CHSY3: variants seen among roughly 807,000 people sequenced by gnomAD.
The protein encoded by CHSY3 is N-acetylgalactosaminyl-proteoglycan 3-beta-glucuronosyltransferase 3.
In CHSY3, 35 loss-of-function variants were observed where a neutral mutation model predicts 67.2. The ratio of observed to expected loss-of-function variants is 0.52; its 90% confidence interval spans 0.40 to 0.69. The LOEUF (loss-of-function observed/expected upper bound fraction) is 0.69, where lower values mean the gene tolerates loss of function less well. CHSY3 is among the 30% of genes least tolerant of loss of function. CHSY3 has a pLI of 0.00. For synonymous variants in CHSY3, 474 were observed against 434.7 expected (o/e 1.09, Z -1.12); for missense variants, 1,069 against 1,138.5 (o/e 0.94, Z 0.88).
intron 2 of CHSY3, among the ~76,000 whole-genome samples, chr5:129,972,555 C>T (rs1762673091): frequency 6.6e-6 from 1 of 151,724 alleles, no homozygotes; most frequent in Non-Finnish European, 1.5e-5. Context: ...TTTAGGGACT[C>T]TCCAAGAAAT....
chr5:129,982,845 TAGAA>T (rs1414079392), intron 2 of CHSY3, among the ~76,000 whole-genome samples: 1 of 152,114 alleles, frequency 6.6e-6, no homozygotes, highest in Non-Finnish European at 1.5e-5. Flanking sequence ...TTTTATCTAA[TAGAA>T]AGGGAGAGTG....
chr5:130,099,550 G>T (rs535171076), intron 2 of CHSY3, among the ~76,000 whole-genome samples: 1 of 152,290 alleles, frequency 6.6e-6, no homozygotes, highest in East Asian at 1.9e-4. Context: ...ACGCGAATGT[G>T]TGAGAATGAT....
At chr5:129,934,846 C>G (rs1359677472) in intron 2 of CHSY3, among the ~76,000 whole-genome samples, 1 of 152,146 alleles carries the variant, frequency 6.6e-6, no homozygotes, top group African/African-American at 2.4e-5. Flanking sequence ...GCGTAGGTCT[C>G]ACTGAGAGGG....
intron 2 of CHSY3, among the ~76,000 whole-genome samples, chr5:130,145,752 G>A (rs1006253859): frequency 1.3e-5 from 2 of 151,548 alleles, no homozygotes; most frequent in African/African-American, 4.9e-5. Context: ...CAACTCAACA[G>A]CAAAAAAACT....
At chr5:130,075,327 A>G (rs1486635802) in intron 2 of CHSY3, among the ~76,000 whole-genome samples, 3 of 152,190 alleles carry the variant, frequency 2.0e-5, no homozygotes, top group African/African-American at 7.2e-5. Flanking sequence ...ATATAGTGAT[A>G]ATACAATAAA....
At chr5:130,071,153 A>G (rs923154857) in intron 2 of CHSY3, among the ~76,000 whole-genome samples, 10 of 152,216 alleles carry the variant, frequency 6.6e-5, no homozygotes, top group African/African-American at 2.2e-4. Flanking sequence ...CACTCTCTCT[A>G]TAATAAGGCT....
chr5:129,928,569 G>GT (rs1282348646), intron 2 of CHSY3, among the ~76,000 whole-genome samples: 6 of 151,978 alleles, frequency 3.9e-5, no homozygotes, highest in Non-Finnish European at 7.4e-5. Context: ...ATAAAAACCA[G>GT]TATAGATACC....
At chr5:130,063,293 A>G (rs1765770757) in intron 2 of CHSY3, among the ~76,000 whole-genome samples, 2 of 152,086 alleles carry the variant, frequency 1.3e-5, no homozygotes, top group Admixed American at 1.3e-4. Context: ...ATAAACAAAT[A>G]AGCCTTTTGT....
intron 2 of CHSY3, among the ~76,000 whole-genome samples, chr5:129,933,907 T>G (rs1450986449): frequency 1.3e-5 from 2 of 152,170 alleles, no homozygotes; most frequent in Non-Finnish European, 2.9e-5. Context: ...CACCAGCTGT[T>G]AACACTTTTT....
At chr5:129,936,577 A>G (rs1761500211) in intron 2 of CHSY3, among the ~76,000 whole-genome samples, 1 of 152,146 alleles carries the variant, frequency 6.6e-6, no homozygotes, top group South Asian at 2.1e-4. Flanking sequence ...CCATGTCACC[A>G]GCTTGCTGGG....
intron 2 of CHSY3, among the ~76,000 whole-genome samples, chr5:130,051,222 T>A (rs1765344743): frequency 6.6e-6 from 1 of 152,094 alleles, no homozygotes; most frequent in Admixed American, 6.6e-5. Flanking sequence ...CATATTATGT[T>A]GTGTGCAATT....
At chr5:129,957,941 AACTT>A (rs1287380874) in intron 2 of CHSY3, among the ~76,000 whole-genome samples, 1 of 151,910 alleles carries the variant, frequency 6.6e-6, no homozygotes, top group Non-Finnish European at 1.5e-5. Flanking sequence ...CCATATCTGT[AACTT>A]ACTATGTTGA....
At position 129,985,633 on chromosome 5, in the gene CHSY3, C is replaced by T. The variant is rs552615734; in HGVS notation, c.1086+77273C>T. On this transcript the variant is annotated intron_variant, in intron 2 of 2. Transcript: ENST00000305031. The stretch of plus-strand genomic sequence containing the variant: ...CCTTTGTGCAGTATGGCCATTTTAA[C>T]GCTATTGATTCTTTCTATCCATGGG... Among the ~76,000 whole-genome samples, 15 of 152,076 alleles carry T rather than the reference C, an allele frequency of 9.9e-5. 1 individual carries two copies. The South Asian group carries it at 1.7e-3, about 17-fold the overall frequency.
intron 2 of CHSY3, among the ~76,000 whole-genome samples, chr5:130,099,652 G>C (rs922520686): frequency 3.9e-5 from 6 of 152,134 alleles, no homozygotes; most frequent in Non-Finnish European, 8.8e-5. Flanking sequence ...ATTTTGCACT[G>C]GTGTGAGGAG....
chr5:130,147,608 A>G (rs928972524), intron 2 of CHSY3, among the ~76,000 whole-genome samples: 1 of 152,148 alleles, frequency 6.6e-6, no homozygotes, highest in African/African-American at 2.4e-5. Flanking sequence ...TTACAAAGAA[A>G]ATAAATTTAA....
intron 2 of CHSY3, among the ~76,000 whole-genome samples, chr5:129,967,847 C>G (rs1762513446): frequency 1.3e-5 from 2 of 151,786 alleles, no homozygotes; most frequent in African/African-American, 4.8e-5. Flanking sequence ...AATGGCACAT[C>G]TAGAAATAAC....
intron 2 of CHSY3, among the ~76,000 whole-genome samples, chr5:130,027,718 G>A (rs1425032787): frequency 1.3e-5 from 2 of 151,540 alleles, no homozygotes; most frequent in Non-Finnish European, 1.5e-5. Context: ...GAGAACATGC[G>A]GTGTTGCGTT....
At chr5:130,150,234 A>G (rs1355656743) in intron 2 of CHSY3, among the ~76,000 whole-genome samples, 2 of 152,176 alleles carry the variant, frequency 1.3e-5, no homozygotes, top group South Asian at 2.1e-4. Context: ...GGAAAAATAA[A>G]TAGCAAAGTT....
At chr5:130,118,293 A>G (rs568909670) in intron 2 of CHSY3, among the ~76,000 whole-genome samples, 1 of 152,208 alleles carries the variant, frequency 6.6e-6, no homozygotes, top group Admixed American at 6.5e-5. Flanking sequence ...TTCAATATTT[A>G]TAAGTCAGGG....
Sources: gnomAD v4.1 joint callset for allele counts (sites outside exome capture counted in the v4.1 genomes callset) on GRCh38, gnomAD v4.1.1 for gene constraint, MANE v1.5 for transcripts, NCBI Gene and HGNC (gene_info 2026-07-23, HGNC 2026-07-21) for gene names.